TBC1D22A: variants seen among roughly 807,000 people sequenced by gnomAD.
TBC1D22A encodes TBC1 domain family member 22A, also known as putative GTPase activator.
TBC1D22A carries 38 observed loss-of-function variants against 60.2 expected under a neutral mutation model. That is an observed-to-expected ratio of 0.63 (90% CI 0.49 to 0.83). TBC1D22A has a LOEUF of 0.83. Among genes scored for constraint, TBC1D22A ranks in the 40% least tolerant of loss-of-function variants. TBC1D22A has a pLI of 0.00. For missense variants in TBC1D22A, 628 were observed against 701.0 expected (o/e 0.90, Z 1.18); for synonymous variants, 302 against 281.7 (o/e 1.07, Z -0.72).
At chr22:46,910,922 G>A (rs1321071129) in intron 7 of TBC1D22A, among the ~76,000 whole-genome samples, 2 of 152,050 alleles carry the variant, frequency 1.3e-5, no homozygotes, top group Non-Finnish European at 2.9e-5. Context: ...GCTCAGTTGG[G>A]GAAGAATGCT....
chr22:47,008,891 G>T (rs549599975), intron 10 of TBC1D22A, among the ~76,000 whole-genome samples: 2 of 152,168 alleles, frequency 1.3e-5, no homozygotes, highest in African/African-American at 2.4e-5. Flanking sequence ...TGTTTTGGTG[G>T]CTGAGTGACA....
chr22:47,148,279 C>T (rs1490977987), intron 12 of TBC1D22A, among the ~76,000 whole-genome samples: 1 of 151,036 alleles, frequency 6.6e-6, no homozygotes, highest in Non-Finnish European at 1.5e-5. Flanking sequence ...AGGCACCTCC[C>T]AACACAGGGA....
rs533169650 is a variant in TBC1D22A, at chr22:46,972,354, C to T, written c.1016-1936C>T. Among the ~76,000 whole-genome samples, 5 of 152,298 alleles carry T rather than the reference C, an allele frequency of 3.3e-5. No homozygotes were observed. The East Asian group carries it at 7.7e-4, about 23-fold the overall frequency. ...TAGGGACAGATCCCGCCCACGGGACCGGCTCTCTGTGTCCACATTACCCCT... is the reference window on the plus strand; with the variant it reads ...TAGGGACAGATCCCGCCCACGGGACTGGCTCTCTGTGTCCACATTACCCCT... On this transcript the variant is annotated intron_variant, in intron 8 of 12. Transcript: ENST00000337137.
At chr22:46,882,577 C>T (rs762157179) in intron 5 of TBC1D22A, among the ~76,000 whole-genome samples, 26 of 152,024 alleles carry the variant, frequency 1.7e-4, no homozygotes, top group Non-Finnish European at 3.2e-4. Flanking sequence ...TGGCCTGGGG[C>T]GTTGGAGGGC....
At chr22:46,894,353 A>G (rs1457964367) in intron 6 of TBC1D22A, among the ~76,000 whole-genome samples, 2 of 152,220 alleles carry the variant, frequency 1.3e-5, no homozygotes, top group Non-Finnish European at 2.9e-5. Context: ...TTCCCCCAGG[A>G]CTTCATAAAG....
intron 8 of TBC1D22A, among the ~76,000 whole-genome samples, chr22:46,952,334 G>A (rs918798921): frequency 8.4e-6 from 1 of 118,902 alleles, no homozygotes; most frequent in Non-Finnish European, 1.9e-5. Context: ...TGGTTCTCTC[G>A]AGCTTTCTTC....
At position 46,893,794 on chromosome 22, in the gene TBC1D22A, C is replaced by G. The variant is rs538349586; in HGVS notation, c.838-990C>G. On this transcript the variant is annotated intron_variant, in intron 6 of 12. Coordinates refer to ENST00000337137, the MANE Select transcript of TBC1D22A (RefSeq NM_014346.5). Reference sequence around the variant, plus strand: ...CTCTTCCTCCTCCTCCTCGGCAGCACTGCTGCTGGCGGGCCTCCTTTGGCA... The same window carrying G: ...CTCTTCCTCCTCCTCCTCGGCAGCAGTGCTGCTGGCGGGCCTCCTTTGGCA... 2.0e-5 allele frequency among the ~76,000 whole-genome samples: 3 copies of G among 152,360 alleles called. No individual in the cohort carries two copies. In the South Asian group the frequency reaches 6.2e-4, roughly 32 times the overall value.
At chr22:47,149,819 CGTT>C (rs2067433445) in intron 12 of TBC1D22A, among the ~76,000 whole-genome samples, 1 of 152,174 alleles carries the variant, frequency 6.6e-6, no homozygotes. Flanking sequence ...GTGTCTTACT[CGTT>C]GTGGACTGGG....
chr22:47,086,978 A>T (rs1360833566), intron 11 of TBC1D22A, among the ~76,000 whole-genome samples: 1 of 152,234 alleles, frequency 6.6e-6, no homozygotes, highest in African/African-American at 2.4e-5. Context: ...AAGCTGTTCT[A>T]CACCTGCCAC....
intron 10 of TBC1D22A, among the ~76,000 whole-genome samples, chr22:47,007,154 C>A (rs561285050): frequency 6.6e-6 from 1 of 152,280 alleles, no homozygotes; most frequent in East Asian, 1.9e-4. Context: ...TTGACCTCGA[C>A]CCAGGGGTCC....
intron 8 of TBC1D22A, among the ~76,000 whole-genome samples, chr22:46,958,706 C>T (rs1397816160): frequency 2.0e-5 from 3 of 152,204 alleles, no homozygotes; most frequent in Non-Finnish European, 4.4e-5. Context: ...TTTCTGTGTT[C>T]CAAAGGAGAC....
At chr22:46,927,273 T>G (rs187136814) in intron 8 of TBC1D22A, among the ~76,000 whole-genome samples, 1 of 152,330 alleles carries the variant, frequency 6.6e-6, no homozygotes, top group East Asian at 1.9e-4. Flanking sequence ...TGGAATTTAT[T>G]TGAGGAATGC....
chr22:47,079,630 A>G (rs1157908884), intron 11 of TBC1D22A, among the ~76,000 whole-genome samples: 1 of 152,250 alleles, frequency 6.6e-6, no homozygotes, highest in Non-Finnish European at 1.5e-5. Context: ...CTAGCAAAAT[A>G]AAACATAGGT....
intron 12 of TBC1D22A, among the ~76,000 whole-genome samples, chr22:47,118,546 A>G (rs922018157): frequency 2.0e-5 from 3 of 152,252 alleles, no homozygotes; most frequent in Non-Finnish European, 2.9e-5. Flanking sequence ...TAAAACAAGT[A>G]AACTAAGCCT....
chr22:46,824,519 C>T (rs1006470713), intron 4 of TBC1D22A, among the ~76,000 whole-genome samples: 2 of 152,092 alleles, frequency 1.3e-5, no homozygotes, highest in Admixed American at 1.3e-4. Flanking sequence ...TCCTGCAGGC[C>T]CCTGAGGGCG....
chr22:47,132,731 C>T (rs1367881638), intron 12 of TBC1D22A, among the ~76,000 whole-genome samples: 8 of 152,236 alleles, frequency 5.3e-5, no homozygotes, highest in Admixed American at 4.6e-4. Flanking sequence ...GATGGCCCCA[C>T]CTTGTACAGC....
intron 9 of TBC1D22A, among the ~76,000 whole-genome samples, chr22:46,984,452 T>C (rs2074645288): frequency 6.7e-6 from 1 of 149,138 alleles, no homozygotes; most frequent in Non-Finnish European, 1.5e-5. Context: ...TTTAGGGGAT[T>C]ATTCTTGCAC....
chr22:46,812,398 G>C (rs772782689), intron 4 of TBC1D22A, among the ~76,000 whole-genome samples: 1 of 152,176 alleles, frequency 6.6e-6, no homozygotes, highest in East Asian at 1.9e-4. Context: ...GAGGAGACAC[G>C]GAGCACCCAT....
intron 12 of TBC1D22A, among the ~76,000 whole-genome samples, chr22:47,165,930 C>G (rs1166962002): frequency 1.3e-5 from 2 of 152,210 alleles, no homozygotes; most frequent in Non-Finnish European, 2.9e-5. Context: ...AACCCTGCTC[C>G]CCGCGTCGCA....
Sources: gnomAD v4.1 joint callset for allele counts (sites outside exome capture counted in the v4.1 genomes callset) on GRCh38, gnomAD v4.1.1 for gene constraint, MANE v1.5 for transcripts, NCBI Gene and HGNC (gene_info 2026-07-23, HGNC 2026-07-21) for gene names.